GIPC2: variants seen among roughly 807,000 people sequenced by gnomAD.
The protein encoded by GIPC2 is GIPC PDZ domain containing family member 2, also known as PDZ domain-containing protein GIPC2.
In GIPC2, 30 loss-of-function variants were observed where a neutral mutation model predicts 30.6. That is an observed-to-expected ratio of 0.98 (90% CI 0.73 to 1.33). The LOEUF is 1.33. Ranked by LOEUF, GIPC2 falls within the 40% of genes most tolerant of loss-of-function variation. The pLI, the probability that GIPC2 is intolerant of heterozygous loss-of-function variation, is 0.00. For synonymous variants in GIPC2, 167 were observed against 150.0 expected, an observed-to-expected ratio of 1.11 and a Z score of -0.83; for missense variants, 414 against 390.3, an observed-to-expected ratio of 1.06 and a Z score of -0.51.
intron 1 of GIPC2, among the ~76,000 whole-genome samples, chr1:78,067,224 G>A (rs1180196192): frequency 6.6e-6 from 1 of 152,066 alleles, no homozygotes; most frequent in Admixed American, 6.5e-5. Flanking sequence ...AGGGTTTCAG[G>A]GTAGGGTGGC....
chr1:78,132,873 CAT>C (rs1662927230), intron 5 of GIPC2, among the ~76,000 whole-genome samples: 2 of 152,160 alleles, frequency 1.3e-5, no homozygotes, highest in Admixed American at 6.5e-5. Context: ...GCTTTCTTAA[CAT>C]GTGTTACCCA....
At chr1:78,045,339 G>A (rs191270411), upstream of GIPC2, among the ~76,000 whole-genome samples, 4 of 152,306 alleles carry the variant, frequency 2.6e-5, no homozygotes. Context: ...ACGCGAGGTA[G>A]GGAATTGAGG....
At chr1:78,049,893 C>CTTTTTT (rs35263483) in intron 1 of GIPC2, among the ~76,000 whole-genome samples, 2 of 98,464 alleles carry the variant, frequency 2.0e-5, no homozygotes, top group Non-Finnish European at 4.1e-5. Context: ...AGAAAAACCT[C>CTTTTTT]TTTTTTTTTT....
chr1:78,056,972 GT>G (rs1405670069), intron 1 of GIPC2, among the ~76,000 whole-genome samples: 1 of 152,098 alleles, frequency 6.6e-6, no homozygotes, highest in Non-Finnish European at 1.5e-5. Flanking sequence ...TTCACAGTTT[GT>G]TTTTTGCTGA....
At chr1:78,049,489 A>G (rs1661155435) in intron 1 of GIPC2, among the ~76,000 whole-genome samples, 2 of 152,200 alleles carry the variant, frequency 1.3e-5, no homozygotes, top group Non-Finnish European at 2.9e-5. Flanking sequence ...GGGGACAAAA[A>G]CATTTGCCCC....
intron 1 of GIPC2, among the ~76,000 whole-genome samples, chr1:78,055,335 C>A (rs1661269012): frequency 6.6e-6 from 1 of 152,122 alleles, no homozygotes; most frequent in East Asian, 1.9e-4. Flanking sequence ...GGCTTGGGGA[C>A]ACACACATGT....
intron 1 of GIPC2, among the ~76,000 whole-genome samples, chr1:78,078,836 C>CA (rs1661769157): frequency 1.7e-5 from 2 of 119,886 alleles, no homozygotes; most frequent in South Asian, 2.9e-4. Flanking sequence ...ACAGATTCAC[C>CA]GGAAAAAAAA....
intron 1 of GIPC2, among the ~76,000 whole-genome samples, chr1:78,053,241 C>G (rs1038020463): frequency 7.9e-5 from 12 of 152,306 alleles, no homozygotes; most frequent in Admixed American, 2.0e-4. Flanking sequence ...AATTGCACAG[C>G]ATGTCAACAG....
chr1:78,087,254 A>G (rs1378137261), intron 2 of GIPC2, among the ~76,000 whole-genome samples: 2 of 152,218 alleles, frequency 1.3e-5, no homozygotes, highest in African/African-American at 4.8e-5. Context: ...TAAAATTCAT[A>G]TGGAACAACA....
intron 5 of GIPC2, among the ~76,000 whole-genome samples, chr1:78,131,262 A>G (rs1038551271): frequency 1.3e-4 from 20 of 150,630 alleles, no homozygotes; most frequent in African/African-American, 4.7e-4. Context: ...GCTGGAGTGC[A>G]GTGTGGCGCG....
At chr1:78,053,848 C>G (rs1387449986) in intron 1 of GIPC2, among the ~76,000 whole-genome samples, 4 of 150,048 alleles carry the variant, frequency 2.7e-5, no homozygotes, top group Admixed American at 6.7e-5. Context: ...GAGGATCACT[C>G]AAGCCGGAGT....
chr1:78,051,274 A>G (rs7531525), intron 1 of GIPC2, among the ~76,000 whole-genome samples: 146,217 of 152,232 alleles, frequency 0.96, 70,349 homozygotes, highest in East Asian at 1. Context: ...AAAAAGATAA[A>G]TTTTATAGTT....
chr1:78,066,576 C>T (rs761357060), intron 1 of GIPC2, among the ~76,000 whole-genome samples: 7 of 152,120 alleles, frequency 4.6e-5, no homozygotes, highest in African/African-American at 7.2e-5. Flanking sequence ...TGTAGAGACC[C>T]GTGCACATGT....
intron 1 of GIPC2, among the ~76,000 whole-genome samples, chr1:78,053,621 A>T (rs1661235463): frequency 6.6e-6 from 1 of 151,930 alleles, no homozygotes; most frequent in African/African-American, 2.4e-5. Context: ...ATCCTCTTTT[A>T]GTATTTTAAT....
chr1:78,133,516 C>T (rs572630852), intron 5 of GIPC2, among the ~76,000 whole-genome samples: 2 of 152,200 alleles, frequency 1.3e-5, no homozygotes, highest in Admixed American at 1.3e-4. Flanking sequence ...CAAAGGATTT[C>T]ATGGAGGAGA....
chr1:78,094,447 G>C (rs1488448144), intron 2 of GIPC2, among the ~76,000 whole-genome samples: 1 of 152,200 alleles, frequency 6.6e-6, no homozygotes, highest in Non-Finnish European at 1.5e-5. Flanking sequence ...TAATCTTCCT[G>C]ACCTGTGACA....
intron 1 of GIPC2, among the ~76,000 whole-genome samples, chr1:78,077,090 A>C (rs956587205): frequency 6.6e-6 from 1 of 152,110 alleles, no homozygotes; most frequent in Admixed American, 6.5e-5. Flanking sequence ...TAAAGACATG[A>C]GATTCTAAAG....
chr1:78,072,686 T>C (rs1480876595), intron 1 of GIPC2, among the ~76,000 whole-genome samples: 1 of 152,190 alleles, frequency 6.6e-6, no homozygotes, highest in Non-Finnish European at 1.5e-5. Flanking sequence ...CTTTGAGACT[T>C]AGATAATAAG....
intron 1 of GIPC2, among the ~76,000 whole-genome samples, chr1:78,057,896 G>C (rs1037418087): frequency 6.6e-6 from 1 of 152,166 alleles, no homozygotes; most frequent in African/African-American, 2.4e-5. Context: ...GAATGCAATA[G>C]ACATTGTTGG....
Sources: allele counts gnomAD v4.1 joint callset (sites outside exome capture counted in the v4.1 genomes callset), GRCh38; gene constraint gnomAD v4.1.1; transcripts MANE v1.5; gene names NCBI Gene and HGNC (gene_info 2026-07-23, HGNC 2026-07-21).